The following METTL2B variants were observed in gnomAD, a reference collection of about 807,000 sequenced individuals.
The protein encoded by METTL2B is tRNA N(3)-cytidine methyltransferase METTL2B.
Under a neutral mutation model 51.0 loss-of-function variants are expected in METTL2B, and 28 were observed. The ratio of observed to expected loss-of-function variants is 0.55; its 90% CI spans 0.41 to 0.75. The LOEUF (loss-of-function observed/expected upper bound fraction) is 0.75, where lower values mean the gene tolerates loss of function less well. METTL2B is among the 30% of genes least tolerant of loss of function. The pLI is 0.00. For missense variants in METTL2B, 313 were observed against 460.7 expected, an observed-to-expected ratio of 0.68 and a Z score of 2.93; for synonymous variants, 128 against 166.3, an observed-to-expected ratio of 0.77 and a Z score of 1.77.
At chr7:128,499,692 TGTATTTTTA>T (rs1563031728) in intron 7 of METTL2B, among the ~76,000 whole-genome samples, 1 of 148,632 alleles carries the variant, frequency 6.7e-6, no homozygotes, top group Non-Finnish European at 1.5e-5. Context: ...CTAATTTTTT[TGTATTTTTA>T]GTAGAGACAG....
At chr7:128,484,224 T>TGTTTTGTTTTG (rs1792645228) in intron 4 of METTL2B, 1 of 83,446 alleles carries the variant, frequency 1.2e-5, no homozygotes, top group Admixed American at 1.2e-4. Flanking sequence ...ATCCTTTTTT[T>TGTTTTGTTTTG]TTTTTTTTTT....
Position 128,502,288 on chromosome 7 carries a change from A to G in METTL2B, c.*372A>G. 3.7e-6 allele frequency: 1 copy of G among 266,930 alleles called. No individual in the cohort carries two copies. Among genetic ancestry groups the G allele is most frequent in the South Asian group, 3.8e-5 (1 of 26,036 alleles). The allele number at this position is 266,930 out of a possible 1,614,324, so 16.5% of individuals were successfully genotyped here. On this transcript the variant is annotated 3_prime_UTR_variant, in exon 9 of 9. Transcript: ENST00000262432. ...TTTCTTTGAGACCTCAATCTGTCTT[A>G]GCATTTTGTAACTAATAACTGAAAT...
chr7:128,493,940 A>G lies in METTL2B; in HGVS notation c.806A>G (p.Asp269Gly), dbSNP rs763756064. The G allele has an allele frequency of 1.9e-6, 3 of 1,591,668 alleles. No homozygotes were observed. The East Asian group carries it at 6.7e-5, about 36-fold the overall frequency. ...TTTGTTCTTTCAGCAGTTGTTCCAG[A>G]CAAGTAAGTTTGGGTCCCTTAGCTG... ...LIFVLSAVVPDKMQKAINRLS... is the reference protein window; with the variant it reads ...LIFVLSAVVPGKMQKAINRLS... Residue 269 changes from aspartate to glycine, a missense_variant, in exon 6 of 9, where the codon GAC becomes GGC. Coordinates refer to ENST00000262432, the MANE Select transcript of METTL2B (RefSeq NM_018396.3).
In METTL2B at chr7:128,502,676, A is replaced by G; in HGVS notation, c.*760A>G. 2.3e-6 allele frequency: 1 copy of G among 443,720 alleles called. No individual in the cohort carries two copies. The highest frequency in any genetic ancestry group is 1.6e-5 in the South Asian group (1 of 62,938). 27.5% of individuals were successfully genotyped at this position (443,720 alleles called of 1,614,324 possible). A position where few individuals can be genotyped will look rare whatever the true frequency, so the allele number is the denominator to read the frequency against. Reference sequence around the variant, plus strand: ...CACTTTGGGAGGCCGAGGCGGGCAGATCACCTGAGGTCAGGAGTTCGAGAC... The same window carrying G: ...CACTTTGGGAGGCCGAGGCGGGCAGGTCACCTGAGGTCAGGAGTTCGAGAC... On this transcript the variant is annotated 3_prime_UTR_variant, in exon 9 of 9. Coordinates refer to ENST00000262432, the MANE Select transcript of METTL2B (RefSeq NM_018396.3).
intron 4 of METTL2B, chr7:128,484,217 C>CTTTTTTTTTTTTTTTTTGTTTT (rs1792642432): frequency 4.7e-5 from 2 of 42,414 alleles, no homozygotes; most frequent in African/African-American, 2.0e-4. Flanking sequence ...TGCCTAGATC[C>CTTTTTTTTTTTTTTTTTGTTTT]TTTTTTTTTT....
chr7:128,502,229 G>C lies in METTL2B; in HGVS notation c.*313G>C. On this transcript the variant is annotated 3_prime_UTR_variant, in exon 9 of 9. Transcript: ENST00000262432. ...ATTCTAACAATTATGCTTCATATTT[G>C]TGAAGTCCTTTAAAACATAATTTTC... 2 of 320,078 alleles carry C rather than the reference G, an allele frequency of 6.2e-6. No individual in the cohort carries two copies. The highest frequency in any genetic ancestry group is 1.1e-5 in the Non-Finnish European group (2 of 175,490). 19.8% of individuals were successfully genotyped at this position (320,078 alleles called of 1,614,324 possible).
At chr7:128,489,689 C>T (rs1407537874) in intron 5 of METTL2B, among the ~76,000 whole-genome samples, 4 of 131,974 alleles carry the variant, frequency 3.0e-5, no homozygotes, top group Non-Finnish European at 6.3e-5. Context: ...ACTGCAGTGG[C>T]GGGATCTCGG....
intron 7 of METTL2B, among the ~76,000 whole-genome samples, chr7:128,499,644 G>A (rs142738642): frequency 0.11 from 15,685 of 141,344 alleles, 1,588 homozygotes; most frequent in East Asian, 0.45. Context: ...TCAGCCTCCC[G>A]AGTAGCCGAG....
Position 128,500,975 on chromosome 7 carries a change from A to G in METTL2B, c.982+7A>G. On this transcript the variant is annotated splice_region_variant and intron_variant, in intron 8 of 8. Transcript: ENST00000262432. ...GTTTACTTCTTCACACAAGGTATGA[A>G]ACACTCATCTTTTTACGCTAAAAGT... 6.2e-7 allele frequency: 1 copy of G among 1,614,126 alleles called. No individual in the cohort carries two copies.
In METTL2B at chr7:128,480,693, A is replaced by T; in HGVS notation, c.605A>T (p.Asn202Ile). ...ACAGTCTTTCCAATTTTACAAACGA[A>T]CAAGTAAGTATGTTGTAAAAGTTTA... ...GNTVFPILQT[N>I]NDPGLFVYCC... The change falls in exon 4 of 9, where the codon AAC (asparagine) becomes ATC (isoleucine). Residue 202 changes from asparagine to isoleucine, a missense_variant. Physicochemically the swap from Asn to Ile is moderately radical, Grantham distance 149. Transcript: ENST00000262432. 6.2e-7 allele frequency: 1 copy of T among 1,606,434 alleles called. No homozygotes were observed. Among genetic ancestry groups the T allele is most frequent in the East Asian group, 2.2e-5 (1 of 44,856 alleles).
At chr7:128,487,908 C>T (rs1584792504) in intron 4 of METTL2B, among the ~76,000 whole-genome samples, 193 bp from the exon 5 acceptor site, 1 of 151,990 alleles carries the variant, frequency 6.6e-6, no homozygotes, top group East Asian at 1.9e-4. Context: ...TTAGCTATGT[C>T]CACAGAGCCT....
In METTL2B at chr7:128,479,310, A is replaced by G; in HGVS notation, c.355A>G (p.Asn119Asp). 6.2e-7 allele frequency: 1 copy of G among 1,614,226 alleles called. No homozygotes were observed. The highest frequency in any genetic ancestry group is 8.5e-7 in the Non-Finnish European group (1 of 1,180,040). ...TCATTTGAAGGATTGGTTCTTGGAG[A>G]ACAAGAGTGAAGTATGTGAATGTAG... Reference protein sequence around the residue: ...QNHLKDWFLENKSEVCECRNN... With the variant: ...QNHLKDWFLEDKSEVCECRNN... The change falls in exon 3 of 9, where the codon AAC becomes GAC. Residue 119 changes from asparagine (N) to aspartate (D), a missense_variant. Around this residue, in one of 4 missense-constraint regions of METTL2B, gnomAD observed 67 missense variants for 101.4 expected, o/e 0.66. Coordinates refer to ENST00000262432, the MANE Select transcript of METTL2B (RefSeq NM_018396.3).
chr7:128,477,268 T>C, intron 2 of METTL2B, 95 bp downstream of exon 2: 1 of 1,525,918 alleles, frequency 6.6e-7, no homozygotes, highest in South Asian at 1.2e-5. Context: ...GCCCACATCC[T>C]TTATTCCTGG....
intron 6 of METTL2B, 44 bp from the exon 7 acceptor site, chr7:128,497,992 C>T: frequency 6.2e-7 from 1 of 1,603,344 alleles, no homozygotes; most frequent in South Asian, 1.1e-5. Flanking sequence ...AGAACCCTGT[C>T]TTTAAGGAGA....
At position 128,504,776 on chromosome 7, in the gene METTL2B, C is replaced by G. The variant is rs533683225; in HGVS notation, c.*2860C>G. 2.0e-5 allele frequency: 3 copies of G among 151,834 alleles called. No homozygotes were observed. Among genetic ancestry groups the G allele is most frequent in the Admixed American group, 6.5e-5 (1 of 15,268 alleles). 9.4% of individuals were successfully genotyped at this position (151,834 alleles called of 1,614,324 possible). On this transcript the variant is annotated 3_prime_UTR_variant, in exon 9 of 9. Transcript: ENST00000262432. ...TTTGAGGTCAGGAGTTCGAGACCAGCCTGGCCAACTTAATGAAACCCCATC... is the reference window on the plus strand; with the variant it reads ...TTTGAGGTCAGGAGTTCGAGACCAGGCTGGCCAACTTAATGAAACCCCATC...
intron 5 of METTL2B, among the ~76,000 whole-genome samples, chr7:128,493,603 T>G (rs1198304925): frequency 6.6e-6 from 1 of 152,182 alleles, no homozygotes. Flanking sequence ...GTGAGGCAAG[T>G]GATCCTATCG....
At chr7:128,486,833 G>A (rs545240147) in intron 4 of METTL2B, among the ~76,000 whole-genome samples, 52 of 152,186 alleles carry the variant, frequency 3.4e-4, no homozygotes, top group Non-Finnish European at 5.0e-4. Context: ...GCTGAGGTAG[G>A]AGGATCACTT....
At chr7:128,484,219 T>A (rs1227702659) in intron 4 of METTL2B, 1 of 58,046 alleles carries the variant, frequency 1.7e-5, no homozygotes, top group Non-Finnish European at 3.4e-5. Context: ...CCTAGATCCT[T>A]TTTTTTTTTT....
chr7:128,506,145 C>A lies in METTL2B; in HGVS notation c.*4229C>A. The A allele has an allele frequency of 6.6e-6, 1 of 152,028 alleles. No individual in the cohort carries two copies. The highest frequency in any genetic ancestry group is 6.6e-5 in the Admixed American group (1 of 15,254). 9.4% of individuals were successfully genotyped at this position (152,028 alleles called of 1,614,324 possible). The stretch of plus-strand genomic sequence containing the variant: ...CTTAATGGGTTTTCAGAGGTGGGAG[C>A]AAAGAATGAAGGGAGGAAGAGAGCT... On this transcript the variant is annotated 3_prime_UTR_variant, in exon 9 of 9. Transcript: ENST00000262432.
Sources: gnomAD v4.1 joint callset for allele counts (sites outside exome capture counted in the v4.1 genomes callset) on GRCh38, gnomAD v4.1.1 for gene constraint, gnomAD v4.1.1 regional missense constraint, MANE v1.5 for transcripts, NCBI Gene and HGNC (gene_info 2026-07-23, HGNC 2026-07-21) for gene names.